The following CACNA1G variants were observed in gnomAD, a reference collection of about 807,000 sequenced individuals.
CACNA1G encodes the protein calcium voltage-gated channel subunit alpha1 G, also known as voltage-dependent T-type calcium channel subunit alpha-1G.
A neutral mutation model predicts 219.4 loss-of-function variants in CACNA1G; 67 were observed. The ratio of observed to expected loss-of-function variants is 0.31; its 90% CI spans 0.25 to 0.37. The LOEUF (loss-of-function observed/expected upper bound fraction) is 0.37, where lower values mean the gene tolerates loss of function less well. CACNA1G is among the 10% of genes least tolerant of loss of function. The pLI, the probability that CACNA1G is intolerant of heterozygous loss-of-function variation, is 1.00. For synonymous variants in CACNA1G, 1,296 were observed against 1,345.3 expected (o/e 0.96, Z 0.80); for missense variants, 2,380 against 3,231.4 (o/e 0.74, Z 6.39).
At chr17:50,612,379 C>G (rs1172831991) in intron 26 of CACNA1G, among the ~76,000 whole-genome samples, 1 of 152,244 alleles carries the variant, frequency 6.6e-6, no homozygotes, top group Non-Finnish European at 1.5e-5. Flanking sequence ...GGGTCCACCC[C>G]GGCTTCCCAG....
chr17:50,607,462 C>T, intron 24 of CACNA1G: 1 of 327,128 alleles, frequency 3.1e-6, no homozygotes. Context: ...CACTGCACTC[C>T]AGCCTAAGCA....
At chr17:50,587,293 G>A (rs1407551239) in intron 9 of CACNA1G, among the ~76,000 whole-genome samples, 1 of 152,158 alleles carries the variant, frequency 6.6e-6, no homozygotes, top group Admixed American at 6.5e-5. Context: ...CAGTTTCCCA[G>A]ACTATCTAGG....
intron 1 of CACNA1G, among the ~76,000 whole-genome samples, chr17:50,567,002 G>A (rs1310962923): frequency 2.0e-5 from 3 of 152,218 alleles, no homozygotes; most frequent in Non-Finnish European, 2.9e-5. Context: ...TCCCTGCAGA[G>A]GAGAGGAGGG....
Position 50,590,930 on chromosome 17 carries a change from G to A in CACNA1G, c.2453+308G>A, listed in dbSNP as rs548001820. ...GACCCCACCCAGGCCTGGGATGGGC[G>A]AGGGTGAGATTGGCTTTAGAGGAGT... On this transcript the variant is annotated intron_variant, in intron 10 of 37. Transcript: ENST00000359106. Among the ~76,000 whole-genome samples the A allele has an allele frequency of 1.2e-4, 18 of 152,210 alleles. No homozygotes were observed. The East Asian group carries it at 1.6e-3, about 13-fold the overall frequency.
intron 13 of CACNA1G, among the ~76,000 whole-genome samples, chr17:50,592,453 C>T (rs748250057): frequency 6.6e-5 from 10 of 152,134 alleles, no homozygotes; most frequent in Non-Finnish European, 1.0e-4. Context: ...GGAGAGGACC[C>T]CTCTGAGCCG....
chr17:50,565,045 C>T (rs1441649629), intron 1 of CACNA1G, among the ~76,000 whole-genome samples: 1 of 144,122 alleles, frequency 6.9e-6, no homozygotes, highest in Non-Finnish European at 1.5e-5. Context: ...CTCGCCTGCT[C>T]CCGCCCAGCA....
chr17:50,607,680 C>T (rs996353638), intron 24 of CACNA1G, 147 bp from the exon 25 acceptor site: 1 of 661,560 alleles, frequency 1.5e-6, no homozygotes, highest in Non-Finnish European at 2.7e-6. Flanking sequence ...CTCCCTACTG[C>T]TTCACATCAA....
At position 50,599,435 on chromosome 17, in the gene CACNA1G, C is replaced by T. The variant is rs2046180076; in HGVS notation, c.3266C>T (p.Ala1089Val). 2 of 1,547,350 alleles carry T rather than the reference C, an allele frequency of 1.3e-6. No individual in the cohort carries two copies. The highest frequency in any genetic ancestry group is 1.7e-6 in the Non-Finnish European group (2 of 1,146,436). ...TCCCCTGCTCACCCACAGCCCAGCG[C>T]CCGCAGCTCTCCGCACAGCCCCTGG... ...AAHEMKSPPS[A>V]RSSPHSPWSA... Residue 1089 changes from alanine to valine, a missense_variant, in exon 17 of 38, where the codon GCC becomes GTC. Ala to Val is a moderately conservative substitution (Grantham distance 64, BLOSUM62 0). This residue lies in a region of CACNA1G where 418 missense variants were observed against 434.3 expected (regional missense o/e 0.96). Coordinates refer to ENST00000359106, the MANE Select transcript of CACNA1G (RefSeq NM_018896.5).
chr17:50,607,333 C>G (rs2048161811), intron 24 of CACNA1G: 3 of 377,756 alleles, frequency 7.9e-6, no homozygotes, highest in Admixed American at 7.6e-5. Context: ...GCAAGACCCC[C>G]AGCTCTACAA....
intron 5 of CACNA1G, 30 bp from the exon 6 acceptor site, chr17:50,572,524 C>T: frequency 6.7e-7 from 1 of 1,501,496 alleles, no homozygotes; most frequent in Middle Eastern, 1.8e-4. Flanking sequence ...ACTCCCCAGT[C>T]TCACCCCTGT....
Position 50,615,352 on chromosome 17 carries a change from C to G in CACNA1G, c.4760-9C>G. ...GACGCTTGCTCTGCTCTTCCCCCTGCCCCATCAGAAGCCCAGTGCAAACCT... is the reference window on the plus strand; with the variant it reads ...GACGCTTGCTCTGCTCTTCCCCCTGGCCCATCAGAAGCCCAGTGCAAACCT... On this transcript the variant is annotated splice_polypyrimidine_tract_variant and intron_variant, in intron 26 of 37. Transcript: ENST00000359106. The G allele has an allele frequency of 6.3e-7, 1 of 1,581,698 alleles. No individual in the cohort carries two copies. The highest frequency in any genetic ancestry group is 1.1e-5 in the South Asian group (1 of 87,550).
intron 9 of CACNA1G, among the ~76,000 whole-genome samples, chr17:50,581,514 GC>G (rs1209170560): frequency 6.6e-6 from 1 of 152,064 alleles, no homozygotes; most frequent in Non-Finnish European, 1.5e-5. Context: ...CCATCCCCTG[GC>G]TGACTCATCA....
At chr17:50,622,028 T>C (rs1187519741) in intron 35 of CACNA1G, among the ~76,000 whole-genome samples, 2 of 152,172 alleles carry the variant, frequency 1.3e-5, no homozygotes, top group African/African-American at 4.8e-5. Flanking sequence ...GGCCTTGCCC[T>C]GAAGGGTATA....
intron 25 of CACNA1G, among the ~76,000 whole-genome samples, chr17:50,609,202 C>T (rs1032050545): frequency 2.0e-5 from 3 of 151,930 alleles, no homozygotes; most frequent in African/African-American, 4.8e-5. Flanking sequence ...CACTCTGAGG[C>T]GGGGGGAGAG....
chr17:50,622,086 T>C (rs1163673842), intron 35 of CACNA1G, among the ~76,000 whole-genome samples: 2 of 151,714 alleles, frequency 1.3e-5, no homozygotes, highest in Non-Finnish European at 2.9e-5. Flanking sequence ...CACCCAGGAG[T>C]GACACGGCCC....
intron 14 of CACNA1G, among the ~76,000 whole-genome samples, chr17:50,595,796 A>C (rs1020174560): frequency 6.6e-6 from 1 of 152,256 alleles, no homozygotes; most frequent in African/African-American, 2.4e-5. Context: ...CCACTTGATA[A>C]TTAAAGGCCT....
chr17:50,585,851 T>TGG (rs2042891734), intron 9 of CACNA1G, among the ~76,000 whole-genome samples: 2 of 152,146 alleles, frequency 1.3e-5, no homozygotes, highest in African/African-American at 4.8e-5. Context: ...CTGTCCTGGG[T>TGG]GGGTGGGAGC....
chr17:50,585,083 G>A (rs2042740751), intron 9 of CACNA1G, among the ~76,000 whole-genome samples: 1 of 152,154 alleles, frequency 6.6e-6, no homozygotes, highest in African/African-American at 2.4e-5. Context: ...GCCTACTGTG[G>A]CCCACCATGG....
At chr17:50,622,190 C>T (rs1308601319) in intron 35 of CACNA1G, among the ~76,000 whole-genome samples, 1 of 148,874 alleles carries the variant, frequency 6.7e-6, no homozygotes, top group Non-Finnish European at 1.5e-5. Context: ...CCCCACCCCA[C>T]CCCCCAACAA....
Sources: allele counts gnomAD v4.1 joint callset (sites outside exome capture counted in the v4.1 genomes callset), GRCh38; gene constraint gnomAD v4.1.1; regional missense constraint gnomAD v4.1.1; transcripts MANE v1.5; gene names NCBI Gene and HGNC (gene_info 2026-07-23, HGNC 2026-07-21).